The following SLC38A1 variants were observed in gnomAD, a reference collection of about 807,000 sequenced individuals.
SLC38A1 encodes solute carrier family 38 member 1, also known as sodium-coupled neutral amino acid symporter 1.
Under a neutral mutation model 60.3 loss-of-function variants are expected in SLC38A1, and 18 were observed. That is an observed-to-expected ratio of 0.30 (90% CI 0.21 to 0.44). SLC38A1 has a LOEUF of 0.44. Among genes scored for constraint, SLC38A1 ranks in the 20% least tolerant of loss-of-function variants. SLC38A1 has a pLI of 1.00. For synonymous variants in SLC38A1, 196 were observed against 212.1 expected (o/e 0.92, Z 0.66); for missense variants, 448 against 587.2 (o/e 0.76, Z 2.45).
intron 3 of SLC38A1, among the ~76,000 whole-genome samples, chr12:46,237,364 T>G (rs1309992180): frequency 2.0e-5 from 3 of 152,138 alleles, no homozygotes; most frequent in Non-Finnish European, 2.9e-5. Context: ...GGACCTTCAA[T>G]AAAATTGGCA....
chr12:46,212,744 C>A (rs1040459012), intron 5 of SLC38A1, among the ~76,000 whole-genome samples: 1 of 152,174 alleles, frequency 6.6e-6, no homozygotes, highest in Non-Finnish European at 1.5e-5. Flanking sequence ...CATGTTTACC[C>A]AGGACAGGAA....
intron 5 of SLC38A1, among the ~76,000 whole-genome samples, chr12:46,219,547 A>G (rs1940566324): frequency 6.6e-6 from 1 of 152,204 alleles, no homozygotes; most frequent in African/African-American, 2.4e-5. Flanking sequence ...TGTGCCTGAC[A>G]TAAGGTAAAG....
At chr12:46,215,246 A>C (rs931785496) in intron 5 of SLC38A1, among the ~76,000 whole-genome samples, 5 of 152,212 alleles carry the variant, frequency 3.3e-5, no homozygotes, top group African/African-American at 1.2e-4. Flanking sequence ...CTGTGCCAAC[A>C]CTGCAGCTCA....
At chr12:46,267,403 C>T in intron 1 of SLC38A1, 1 of 152,382 alleles carries the variant, frequency 6.6e-6, no homozygotes, top group Middle Eastern at 3.1e-3. Flanking sequence ...ACCACCTTCC[C>T]CAGCCCAAGG....
rs75575869 is a variant in SLC38A1, at chr12:46,207,812, T to C, written c.389-191A>G. Among the ~76,000 whole-genome samples, 801 of 152,326 alleles carry C rather than the reference T, an allele frequency of 5.3e-3. 11 individuals carry two copies. Among genetic ancestry groups the C allele is most frequent in the African/African-American group, 0.018 (761 of 41,574 alleles). ...AAAACAAATTCTTAACATTTTAAAA[T>C]GTGAGATGCAACCATCATTTCTCCT... On this transcript the variant is annotated intron_variant, in intron 6 of 16. Coordinates refer to ENST00000398637, the MANE Select transcript of SLC38A1 (RefSeq NM_030674.4).
chr12:46,263,607 C>G (rs1942264152), intron 1 of SLC38A1, among the ~76,000 whole-genome samples: 1 of 152,156 alleles, frequency 6.6e-6, no homozygotes, highest in African/African-American at 2.4e-5. Context: ...CTGTCTGTCT[C>G]CTGCTCAGAG....
chr12:46,236,816 T>C lies in SLC38A1; in HGVS notation c.122+2863A>G, dbSNP rs551338617. On this transcript the variant is annotated intron_variant, in intron 3 of 16. Coordinates refer to ENST00000398637, the MANE Select transcript of SLC38A1 (RefSeq NM_030674.4). ...CCTGGGAATTTGCTAGGAATCAGAA[T>C]TGCAGACCCCACCCCAGACTTACAG... 1.7e-4 allele frequency among the ~76,000 whole-genome samples: 26 copies of C among 152,300 alleles called. No homozygotes were observed. The South Asian group carries it at 4.1e-3, about 24-fold the overall frequency.
intron 6 of SLC38A1, among the ~76,000 whole-genome samples, chr12:46,208,683 G>A (rs1940016566): frequency 6.6e-6 from 1 of 152,090 alleles, no homozygotes. Flanking sequence ...GAGAATGACA[G>A]GTCTGTTTAC....
At chr12:46,195,025 G>C (rs1187044506) in intron 16 of SLC38A1, among the ~76,000 whole-genome samples, 1 of 152,040 alleles carries the variant, frequency 6.6e-6, no homozygotes, top group Non-Finnish European at 1.5e-5. Context: ...CTTGTTTTTT[G>C]GAATTTTCAG....
intron 1 of SLC38A1, among the ~76,000 whole-genome samples, chr12:46,261,849 T>C (rs757227473): frequency 6.6e-6 from 1 of 152,210 alleles, no homozygotes; most frequent in Non-Finnish European, 1.5e-5. Context: ...TGTGTCCCTC[T>C]CCCTGCCCCC....
intron 5 of SLC38A1, among the ~76,000 whole-genome samples, chr12:46,213,244 G>A (rs369613122): frequency 3.3e-5 from 5 of 152,086 alleles, no homozygotes; most frequent in East Asian, 3.9e-4. Flanking sequence ...TCATTTTTAC[G>A]GCAACCACAC....
At chr12:46,244,237 T>A (rs748929382) in intron 1 of SLC38A1, among the ~76,000 whole-genome samples, 1 of 152,180 alleles carries the variant, frequency 6.6e-6, no homozygotes, top group Non-Finnish European at 1.5e-5. Flanking sequence ...TAAGTCTTAA[T>A]TTAATAAAGA....
At chr12:46,204,231 T>C in intron 11 of SLC38A1, 70 bp downstream of exon 11, 1 of 970,128 alleles carries the variant, frequency 1.0e-6, no homozygotes, top group African/African-American at 1.6e-5. Context: ...CCAGTGCAAT[T>C]ACAAGCATGA....
intron 1 of SLC38A1, among the ~76,000 whole-genome samples, chr12:46,263,392 T>C (rs1942258674): frequency 6.6e-6 from 1 of 152,198 alleles, no homozygotes; most frequent in Non-Finnish European, 1.5e-5. Context: ...TTTATTTTTA[T>C]GTTTTTCAAT....
At chr12:46,229,050 TA>T (rs1393173368) in intron 5 of SLC38A1, 102 bp downstream of exon 5, 3 of 655,632 alleles carry the variant, frequency 4.6e-6, no homozygotes, top group Non-Finnish European at 7.6e-6. Context: ...GCCAAGTTAA[TA>T]AAAAAACTAT....
rs1592284330 is a variant in SLC38A1 at position 46,186,508 on chromosome 12, T to A, written c.*2462A>T. On this transcript the variant is annotated 3_prime_UTR_variant, in exon 17 of 17. Transcript: ENST00000398637. ...CATGTATTTTTGGCTACCAATTAAC[T>A]ATTCTGAATAAGAATAAGAGCAGTA... 6.6e-6 allele frequency: 1 copy of A among 152,244 alleles called. No homozygotes were observed. Among genetic ancestry groups the A allele is most frequent in the East Asian group, 1.9e-4 (1 of 5,206 alleles). The allele number at this position is 152,244 out of a possible 1,614,324, so 9.4% of individuals were successfully genotyped here. A position where few individuals can be genotyped will look rare whatever the true frequency, so the allele number is the denominator to read the frequency against.
At chr12:46,237,190 CTGTT>C (rs1239525257) in intron 3 of SLC38A1, among the ~76,000 whole-genome samples, 1 of 152,210 alleles carries the variant, frequency 6.6e-6, no homozygotes, top group African/African-American at 2.4e-5. Context: ...TAAAAGTTCA[CTGTT>C]TGGGGAGAAG....
intron 5 of SLC38A1, among the ~76,000 whole-genome samples, chr12:46,210,558 C>T (rs1304439458): frequency 6.6e-6 from 1 of 152,084 alleles, no homozygotes; most frequent in African/African-American, 2.4e-5. Context: ...GGCTGTGTCC[C>T]CACCGAAATC....
At position 46,220,062 on chromosome 12, in the gene SLC38A1, C is replaced by T. The variant is rs143887389; in HGVS notation, c.314+9091G>A. 1.4e-4 allele frequency among the ~76,000 whole-genome samples: 22 copies of T among 152,330 alleles called. 1 individual carries two copies. In the East Asian group the frequency reaches 4.2e-3, roughly 29 times the overall value. On this transcript the variant is annotated intron_variant, in intron 5 of 16. Coordinates refer to ENST00000398637, the MANE Select transcript of SLC38A1 (RefSeq NM_030674.4). ...GACTCATAAACTAGCAATAGCTGCT[C>T]AACTTCTAAAAACAATGAGTGGGAC...
Sources: allele counts gnomAD v4.1 joint callset (sites outside exome capture counted in the v4.1 genomes callset), GRCh38; gene constraint gnomAD v4.1.1; transcripts MANE v1.5; gene names NCBI Gene and HGNC (gene_info 2026-07-23, HGNC 2026-07-21).